The following FCF1 variants were observed in gnomAD, a reference collection of about 807,000 sequenced individuals.
FCF1 encodes the protein FCF1 rRNA-processing protein, also known as rRNA-processing protein FCF1 homolog.
In FCF1, 17 loss-of-function variants were observed where a neutral mutation model predicts 32.5. The ratio of observed to expected loss-of-function variants is 0.52; its 90% CI spans 0.36 to 0.78. FCF1 has a LOEUF of 0.78. FCF1 is among the 30% of genes least tolerant of loss of function. The pLI is 0.00. For synonymous variants in FCF1, 84 were observed against 78.4 expected, an observed-to-expected ratio of 1.07 and a Z score of -0.38; for missense variants, 201 against 241.1, an observed-to-expected ratio of 0.83 and a Z score of 1.10.
At chr14:74,715,308 T>C (rs1298028753) in intron 3 of FCF1, among the ~76,000 whole-genome samples, 2 of 152,186 alleles carry the variant, frequency 1.3e-5, no homozygotes, top group African/African-American at 2.4e-5. Flanking sequence ...TATAAAGATA[T>C]GACCTTTATA....
At chr14:74,714,742 A>G (rs1374991701) in intron 2 of FCF1, 130 bp from the exon 3 acceptor site, 7 of 1,233,608 alleles carry the variant, frequency 5.7e-6, no homozygotes, top group Non-Finnish European at 7.8e-6. Flanking sequence ...TGATATTAAC[A>G]TGAGGATATC....
At chr14:74,715,306 T>TA (rs1442462132) in intron 3 of FCF1, among the ~76,000 whole-genome samples, 2 of 152,152 alleles carry the variant, frequency 1.3e-5, no homozygotes, top group Non-Finnish European at 2.9e-5. Context: ...TATATAAAGA[T>TA]ATGACCTTTA....
chr14:74,722,340 G>T (rs531642124), intron 4 of FCF1, among the ~76,000 whole-genome samples: 1 of 152,126 alleles, frequency 6.6e-6, no homozygotes, highest in East Asian at 1.9e-4. Context: ...GAGCCACTAC[G>T]CCCGGCCAAT....
intron 3 of FCF1, chr14:74,715,585 T>C (rs1443484435): frequency 5.6e-6 from 2 of 354,564 alleles, no homozygotes; most frequent in African/African-American, 2.1e-5. Context: ...ACAGCAGTTT[T>C]AGAATCCTTT....
At chr14:74,724,915 G>A (rs1044350932) in intron 5 of FCF1, among the ~76,000 whole-genome samples, 3 of 151,474 alleles carry the variant, frequency 2.0e-5, no homozygotes, top group African/African-American at 7.3e-5. Context: ...AAAAAAAAAA[G>A]AAAGAAATTA....
At position 74,716,211 on chromosome 14, in the gene FCF1, A is replaced by T. The variant is rs576677239; in HGVS notation, c.292+112A>T. The stretch of plus-strand genomic sequence containing the variant: ...TTGTTAACTGAATTGCTGGCCATTT[A>T]ATTTACAGTGGTCACCATAGCAGTG... On this transcript the variant is annotated intron_variant, in intron 4 of 7. Coordinates refer to ENST00000341162, the MANE Select transcript of FCF1 (RefSeq NM_015962.5). The T allele has an allele frequency of 1.7e-5, 17 of 1,012,092 alleles. No homozygotes were observed. In the East Asian group the frequency reaches 4.1e-4, roughly 24 times the overall value. The allele number at this position is 1,012,092 out of a possible 1,614,324, so 62.7% of individuals were successfully genotyped here.
chr14:74,722,047 CTT>C (rs59367492), intron 4 of FCF1, among the ~76,000 whole-genome samples: 2 of 121,400 alleles, frequency 1.6e-5, no homozygotes, highest in Admixed American at 9.3e-5. Context: ...TGGGTATTTT[CTT>C]TTTTTTTTTT....
chr14:74,733,001 G>T (rs1210089292), intron 6 of FCF1, among the ~76,000 whole-genome samples, 183 bp downstream of exon 6: 1 of 152,164 alleles, frequency 6.6e-6, no homozygotes, highest in African/African-American at 2.4e-5. Flanking sequence ...AAAGTGGATT[G>T]AAAATGTACA....
At position 74,715,990 on chromosome 14, in the gene FCF1, A is replaced by G; in HGVS notation, c.183A>G (p.Thr61=). The stretch of plus-strand genomic sequence containing the variant: ...CCTGCTTATTTTTCCAATATAATAC[A>G]CAGCTGGGCCCACCTTACCACATCC... ...HPSCLFFQYN[T]QLGPPYHILV... Residue 61 remains threonine (T), a synonymous_variant, in exon 4 of 8, where the codon ACA becomes ACG. Transcript: ENST00000341162. 3 of 1,613,996 alleles carry G rather than the reference A, an allele frequency of 1.9e-6. No homozygotes were observed. Among genetic ancestry groups the G allele is most frequent in the Middle Eastern group, 3.3e-4 (2 of 6,060 alleles).
intron 5 of FCF1, among the ~76,000 whole-genome samples, chr14:74,725,016 T>C (rs1466389645): frequency 6.6e-6 from 1 of 151,980 alleles, no homozygotes; most frequent in East Asian, 1.9e-4. Context: ...ATATGTGGTA[T>C]ATGTGTGCAT....
rs576236771 is a variant in FCF1, at chr14:74,724,363, A to G, written c.365+1019A>G. 3.9e-5 allele frequency among the ~76,000 whole-genome samples: 6 copies of G among 152,296 alleles called. No individual in the cohort carries two copies. In the South Asian group the frequency reaches 1.2e-3, roughly 32 times the overall value. ...CAGTGGCACAATCAGGGCTCACTGC[A>G]GCCTCGACCTCCTGGGCTTAAGCAG... On this transcript the variant is annotated intron_variant, in intron 5 of 7. Coordinates refer to ENST00000341162, the MANE Select transcript of FCF1 (RefSeq NM_015962.5).
intron 3 of FCF1, among the ~76,000 whole-genome samples, chr14:74,715,309 G>A (rs1411510654): frequency 6.6e-6 from 1 of 151,956 alleles, no homozygotes; most frequent in Non-Finnish European, 1.5e-5. Flanking sequence ...ATAAAGATAT[G>A]ACCTTTATAT....
chr14:74,713,231 A>G, intron 1 of FCF1, 31 bp downstream of exon 1: 3 of 1,614,214 alleles, frequency 1.9e-6, no homozygotes, highest in Non-Finnish European at 2.5e-6. Context: ...AAGGGACGTT[A>G]TCAGGCCACT....
chr14:74,716,155 A>G, intron 4 of FCF1, 56 bp downstream of exon 4: 1 of 1,536,734 alleles, frequency 6.5e-7, no homozygotes, highest in Non-Finnish European at 9.0e-7. Context: ...TTATATTTAT[A>G]CAAATACATG....
Position 74,713,207 on chromosome 14 carries a change from G to A in FCF1, c.3+7G>A. The A allele has an allele frequency of 6.2e-7, 1 of 1,614,230 alleles. No homozygotes were observed. Among genetic ancestry groups the A allele is most frequent in the Non-Finnish European group, 8.5e-7 (1 of 1,180,048 alleles). On this transcript the variant is annotated splice_region_variant and intron_variant, in intron 1 of 7. Transcript: ENST00000341162. ...GGAGTTTGGCGTGACCATGGTGAGA[G>A]AAGACGGTCCAAGAAGGGACGTTAT...
intron 5 of FCF1, among the ~76,000 whole-genome samples, chr14:74,725,212 C>T (rs1181188436): frequency 2.6e-5 from 4 of 151,812 alleles, no homozygotes; most frequent in African/African-American, 9.7e-5. Context: ...AAAGGATGGC[C>T]AGGCATGGTG....
At chr14:74,726,001 G>C (rs928892341) in intron 5 of FCF1, among the ~76,000 whole-genome samples, 4 of 151,394 alleles carry the variant, frequency 2.6e-5, no homozygotes, top group African/African-American at 9.7e-5. Flanking sequence ...CAAGGTTGCA[G>C]TGAGCTATGA....
Position 74,713,214 on chromosome 14 carries a change from G to A in FCF1, c.3+14G>A, listed in dbSNP as rs1194407367. 1.2e-6 allele frequency: 2 copies of A among 1,614,106 alleles called. No homozygotes were observed. Among genetic ancestry groups the A allele is most frequent in the South Asian group, 1.1e-5 (1 of 91,092 alleles). ...GGCGTGACCATGGTGAGAGAAGACG[G>A]TCCAAGAAGGGACGTTATCAGGCCA... On this transcript the variant is annotated intron_variant, in intron 1 of 7. Coordinates refer to ENST00000341162, the MANE Select transcript of FCF1 (RefSeq NM_015962.5).
intron 4 of FCF1, among the ~76,000 whole-genome samples, chr14:74,719,888 C>G (rs1229935251): frequency 6.6e-6 from 1 of 152,020 alleles, no homozygotes; most frequent in African/African-American, 2.4e-5. Flanking sequence ...CCTGTAATCC[C>G]AGCACTTTGG....
Sources: allele counts gnomAD v4.1 joint callset (sites outside exome capture counted in the v4.1 genomes callset), GRCh38; gene constraint gnomAD v4.1.1; transcripts MANE v1.5; gene names NCBI Gene and HGNC (gene_info 2026-07-23, HGNC 2026-07-21).